POLI: variants seen among roughly 807,000 people sequenced by gnomAD.
POLI encodes RAD30 homolog B.
Under a neutral mutation model 51.6 loss-of-function variants are expected in POLI, and 58 were observed. The ratio of observed to expected loss-of-function variants is 1.12; its 90% CI spans 0.91 to 1.40. The LOEUF (loss-of-function observed/expected upper bound fraction) is 1.40. POLI is among the 40% of genes most tolerant of loss of function. The probability of loss-of-function intolerance (pLI) is 0.00; values close to 1 mark genes in which losing one functional copy is unlikely to be tolerated. For synonymous variants in POLI, 322 were observed against 299.7 expected, an observed-to-expected ratio of 1.07 and a Z score of -0.77; for missense variants, 921 against 871.3, an observed-to-expected ratio of 1.06 and a Z score of -0.72.
At chr18:54,302,207 G>A (rs539143414), downstream of POLI, among the ~76,000 whole-genome samples, 19 of 152,062 alleles carry the variant, frequency 1.2e-4, 1 homozygote, top group South Asian at 3.9e-3. Flanking sequence ...GATTATGAAT[G>A]TCTGTCTGTC....
Position 54,296,419 on chromosome 18 carries a change from CTG to C in POLI, c.*1954_*1955del, listed in dbSNP as rs1318955399. 7 of 951,858 alleles carry C rather than the reference CTG, an allele frequency of 7.4e-6. No homozygotes were observed. In the African/African-American group the frequency reaches 1.1e-4, roughly 14 times the overall value. 59.0% of individuals were successfully genotyped at this position (951,858 alleles called of 1,614,324 possible). Reference sequence around the variant, plus strand: ...AACTTTTTTATGGGATCTTTTTTCTCTGTTTTTAAGATTATCTCTTTTTTCTT... The same window carrying C: ...AACTTTTTTATGGGATCTTTTTTCTCTTTTTAAGATTATCTCTTTTTTCTT... On this transcript the variant is annotated 3_prime_UTR_variant, in exon 10 of 10. Transcript: ENST00000579534.
At chr18:54,315,290 A>C (rs2088719374) in intron 3 of POLI, among the ~76,000 whole-genome samples, 1 of 151,862 alleles carries the variant, frequency 6.6e-6, no homozygotes, top group African/African-American at 2.4e-5. Flanking sequence ...TTTTGGTATT[A>C]ATTTCTATTT....
chr18:54,271,248 A>G, intron 1 of POLI, 112 bp from the exon 2 acceptor site: 1 of 846,148 alleles, frequency 1.2e-6, no homozygotes, highest in Non-Finnish European at 1.8e-6. Context: ...TCCAGGAGAA[A>G]ACACGTCACT....
rs925155751 is a variant in POLI, at chr18:54,296,456, G to C, written c.*1989G>C. On this transcript the variant is annotated 3_prime_UTR_variant, in exon 10 of 10. Transcript: ENST00000579534. Reference sequence around the variant, plus strand: ...TTATCTCTTTTTTCTTTGGTGCTTTGCAGGTTTACTGTATTATTTGGAAGT... The same window carrying C: ...TTATCTCTTTTTTCTTTGGTGCTTTCCAGGTTTACTGTATTATTTGGAAGT... 2.7e-6 allele frequency: 2 copies of C among 742,358 alleles called. No homozygotes were observed. Among genetic ancestry groups the C allele is most frequent in the African/African-American group, 3.8e-5 (2 of 52,328 alleles). The allele number at this position is 742,358 out of a possible 1,614,324, so 46.0% of individuals were successfully genotyped here. A position where few individuals can be genotyped will look rare whatever the true frequency, so the allele number is the denominator to read the frequency against.
chr18:54,274,075 T>A lies in POLI; in HGVS notation c.391T>A (p.Ser131Thr). The change falls in exon 3 of 10, where the codon TCT becomes ACT. Residue 131 changes from serine (S) to threonine (T), a missense_variant. Transcript: ENST00000579534. ...GEDLTRYREMSYKVTELLEEF... is the reference protein window; with the variant it reads ...GEDLTRYREMTYKVTELLEEF... Reference sequence around the variant, plus strand: ...AGACCTGACCCGCTACAGAGAAATGTCTTATAAGGTTACAGGTACAAATGA... The same window carrying A: ...AGACCTGACCCGCTACAGAGAAATGACTTATAAGGTTACAGGTACAAATGA... The A allele has an allele frequency of 6.8e-7, 1 of 1,464,748 alleles. No individual in the cohort carries two copies. Among genetic ancestry groups the A allele is most frequent in the African/African-American group, 1.4e-5 (1 of 69,522 alleles). 90.7% of individuals were successfully genotyped at this position (1,464,748 alleles called of 1,614,324 possible).
intron 3 of POLI, among the ~76,000 whole-genome samples, chr18:54,314,629 G>C (rs1435449595): frequency 6.6e-6 from 1 of 151,668 alleles, no homozygotes; most frequent in Non-Finnish European, 1.5e-5. Flanking sequence ...AATTATTACT[G>C]ACTCAATTTT....
intron 9 of POLI, among the ~76,000 whole-genome samples, chr18:54,293,439 A>G (rs564337401): frequency 1.3e-5 from 2 of 149,910 alleles, no homozygotes; most frequent in East Asian, 3.9e-4. Context: ...CTAGGAAGGA[A>G]ACCTCTTCCT....
At position 54,286,288 on chromosome 18, in the gene POLI, T is replaced by A. The variant is rs201777840; in HGVS notation, c.1068-993T>A. Among the ~76,000 whole-genome samples, 128 of 152,260 alleles carry A rather than the reference T, an allele frequency of 8.4e-4. 1 individual carries two copies. Among genetic ancestry groups the A allele is most frequent in the East Asian group, 2.7e-3 (14 of 5,186 alleles). ...CATGTGTATAAAAAGGGAAATGTTATCCTTTAATGACATTTTTTCCAGTAC... is the reference window on the plus strand; with the variant it reads ...CATGTGTATAAAAAGGGAAATGTTAACCTTTAATGACATTTTTTCCAGTAC... On this transcript the variant is annotated intron_variant, in intron 7 of 9. Transcript: ENST00000579534.
At chr18:54,276,926 C>G (rs1174649541) in intron 3 of POLI, among the ~76,000 whole-genome samples, 2 of 152,172 alleles carry the variant, frequency 1.3e-5, no homozygotes, top group African/African-American at 4.8e-5. Flanking sequence ...TTTGTTTTCT[C>G]TTATCCAGCT....
rs1348935272 is a variant in POLI, at chr18:54,297,252, GCTGCTTTCTT to G, written c.*2786_*2795del. 1.0e-6 allele frequency: 1 copy of G among 983,602 alleles called. No homozygotes were observed. The highest frequency in any genetic ancestry group is 1.2e-6 in the Non-Finnish European group (1 of 829,644). 60.9% of individuals were successfully genotyped at this position (983,602 alleles called of 1,614,324 possible). A position where few individuals can be genotyped will look rare whatever the true frequency, so the allele number is the denominator to read the frequency against. On this transcript the variant is annotated 3_prime_UTR_variant, in exon 10 of 10. Coordinates refer to ENST00000579534, the MANE Select transcript of POLI (RefSeq NM_007195.3). ...GCTTGCTTCTTGCTTGATGCTTTCT[GCTGCTTTCTT>G]GCTTTTGTTTCAGCTCGAGTTTGTT...
rs1413762335 is a variant in POLI at position 54,293,841 on chromosome 18, A to G, written c.1597A>G (p.Lys533Glu). ...LPEGVDQEVF[K>E]QLPVDIQEEI... Reference sequence around the variant, plus strand: ...TGAAGGTGTTGACCAAGAAGTCTTCAAGCAGCTTCCAGTAGATATTCAAGA... The same window carrying G: ...TGAAGGTGTTGACCAAGAAGTCTTCGAGCAGCTTCCAGTAGATATTCAAGA... Residue 533 changes from lysine to glutamate, a missense_variant, in exon 10 of 10, where the codon AAG (lysine) becomes GAG (glutamate). By Grantham distance (56) the Lys-to-Glu change is moderately conservative. Coordinates refer to ENST00000579534, the MANE Select transcript of POLI (RefSeq NM_007195.3). 1 of 1,610,472 alleles carries G rather than the reference A, an allele frequency of 6.2e-7. No individual in the cohort carries two copies. The highest frequency in any genetic ancestry group is 1.7e-5 in the Admixed American group (1 of 59,546).
In POLI at chr18:54,277,835, G is replaced by T. The variant is rs2087318013; in HGVS notation, c.539G>T (p.Gly180Val). 1 of 1,612,210 alleles carries T rather than the reference G, an allele frequency of 6.2e-7. No homozygotes were observed. The highest frequency in any genetic ancestry group is 8.5e-7 in the Non-Finnish European group (1 of 1,178,860). Residue 180 changes from glycine to valine, a missense_variant, in exon 4 of 10, where the codon GGT (glycine) becomes GTT (valine). Physicochemically the swap from Gly to Val is moderately radical, Grantham distance 109. Coordinates refer to ENST00000579534, the MANE Select transcript of POLI (RefSeq NM_007195.3). Reference sequence around the variant, plus strand: ...GAACTTTCTGCGGTGACTGTGTCGGGTCATGTATACAATAATCAGTGTGAG... The same window carrying T: ...GAACTTTCTGCGGTGACTGTGTCGGTTCATGTATACAATAATCAGTGTGAG... Reference protein sequence around the residue: ...SDELSAVTVSGHVYNNQSINL... With the variant: ...SDELSAVTVSVHVYNNQSINL...
At chr18:54,269,764 G>C in intron 1 of POLI, 103 bp downstream of exon 1, 1 of 1,394,040 alleles carries the variant, frequency 7.2e-7, no homozygotes, top group Non-Finnish European at 9.2e-7. Context: ...GACCGTCCCC[G>C]CCCCACTCGG....
chr18:54,309,766 C>T (rs1337658770), intron 3 of POLI, among the ~76,000 whole-genome samples: 4 of 152,170 alleles, frequency 2.6e-5, no homozygotes, highest in South Asian at 2.1e-4. Context: ...ACTTTGTTTA[C>T]GCAGTCAAGC....
downstream of POLI, among the ~76,000 whole-genome samples, chr18:54,302,697 A>G (rs2088512983): frequency 6.6e-6 from 1 of 152,168 alleles, no homozygotes; most frequent in South Asian, 2.1e-4. Context: ...CTGTTGTGCT[A>G]TCAAATACTA....
chr18:54,314,702 T>C (rs552681781), intron 3 of POLI, among the ~76,000 whole-genome samples: 1 of 152,310 alleles, frequency 6.6e-6, no homozygotes, highest in East Asian at 1.9e-4. Context: ...AGATGTTGCA[T>C]GCTTCCAGGA....
chr18:54,295,131 G>A lies in POLI; in HGVS notation c.*664G>A. 1.0e-6 allele frequency: 1 copy of A among 985,402 alleles called. No homozygotes were observed. The highest frequency in any genetic ancestry group is 1.2e-6 in the Non-Finnish European group (1 of 829,926). 61.0% of individuals were successfully genotyped at this position (985,402 alleles called of 1,614,324 possible). A position where few individuals can be genotyped will look rare whatever the true frequency, so the allele number is the denominator to read the frequency against. ...AGGGTATATGTTATAGAGAACAGTG[G>A]TAGAAGGAACTCTCCGTGCAAGTAA... On this transcript the variant is annotated 3_prime_UTR_variant, in exon 10 of 10. Transcript: ENST00000579534.
intron 3 of POLI, among the ~76,000 whole-genome samples, chr18:54,306,921 T>G (rs976350056): frequency 5.1e-4 from 78 of 152,284 alleles, no homozygotes; most frequent in African/African-American, 1.8e-3. Flanking sequence ...GGTAGTGATA[T>G]CCCCTTTATC....
intron 3 of POLI, among the ~76,000 whole-genome samples, chr18:54,318,627 A>G (rs985432914): frequency 1.3e-5 from 2 of 152,008 alleles, no homozygotes; most frequent in African/African-American, 4.8e-5. Flanking sequence ...TTTTCTGATG[A>G]TTTTTTTCAT....
Sources: gnomAD v4.1 joint callset for allele counts (sites outside exome capture counted in the v4.1 genomes callset) on GRCh38, gnomAD v4.1.1 for gene constraint, MANE v1.5 for transcripts, NCBI Gene and HGNC (gene_info 2026-07-23, HGNC 2026-07-21) for gene names.